The following TBXAS1 variants were observed in gnomAD, a reference collection of about 807,000 sequenced individuals.
The protein encoded by TBXAS1 is thromboxane A synthase 1.
TBXAS1 carries 48 observed loss-of-function variants against 60.7 expected under a neutral mutation model. The observed-to-expected ratio is 0.79, with a 90% CI of 0.63 to 1.01. The LOEUF (loss-of-function observed/expected upper bound fraction) is 1.01, where lower values mean the gene tolerates loss of function less well. Ranked by LOEUF, TBXAS1 falls within the 50% of genes least tolerant of loss-of-function variation. The pLI, the probability that TBXAS1 is intolerant of heterozygous loss-of-function variation, is 0.00. For missense variants in TBXAS1, 685 were observed against 686.3 expected, an observed-to-expected ratio of 1.00 and a Z score of 0.02; for synonymous variants, 287 against 269.7, an observed-to-expected ratio of 1.06 and a Z score of -0.63.
At chr7:139,800,493 G>A (rs1797691944) in intron 4 of TBXAS1, among the ~76,000 whole-genome samples, 1 of 151,960 alleles carries the variant, frequency 6.6e-6, no homozygotes, top group African/African-American at 2.4e-5. Flanking sequence ...CTTCAGTAGT[G>A]TCATTCCCAC....
chr7:139,863,440 A>T (rs542754007), intron 1 of TBXAS1, among the ~76,000 whole-genome samples: 26 of 152,284 alleles, frequency 1.7e-4, no homozygotes, highest in Admixed American at 9.2e-4. Flanking sequence ...CATTCACTAA[A>T]TCTTGTATAT....
chr7:139,870,559 A>G (rs1374925512), intron 1 of TBXAS1, among the ~76,000 whole-genome samples: 1 of 152,234 alleles, frequency 6.6e-6, no homozygotes, highest in South Asian at 2.1e-4. Flanking sequence ...TGTGCTGTCA[A>G]CCTTCGGTAC....
intron 3 of TBXAS1, among the ~76,000 whole-genome samples, chr7:139,904,864 T>G (rs975347836): frequency 2.0e-5 from 3 of 152,106 alleles, no homozygotes; most frequent in African/African-American, 7.2e-5. Flanking sequence ...CCTTAGGGTT[T>G]TCAAGGTAAA....
At position 139,862,606 on chromosome 7, in the gene TBXAS1, T is replaced by C. The variant is rs189738968; in HGVS notation, c.90-9629T>C. ...AGGCAATGGCCAAATCCAAGGAGTT[T>C]GCCTTTTTTCCTTTAAGATGGAAGA... is the stretch of plus-strand genomic sequence containing the variant. On this transcript the variant is annotated intron_variant, in intron 1 of 12. Coordinates refer to ENST00000448866, the MANE Select transcript of TBXAS1 (RefSeq NM_001061.7). 2.0e-5 allele frequency among the ~76,000 whole-genome samples: 3 copies of C among 152,294 alleles called. No homozygotes were observed. In the East Asian group the frequency reaches 5.8e-4, roughly 29 times the overall value.
intron 3 of TBXAS1, among the ~76,000 whole-genome samples, chr7:139,879,680 T>C (rs1364753268): frequency 3.3e-5 from 5 of 152,122 alleles, no homozygotes; most frequent in Non-Finnish European, 7.4e-5. Flanking sequence ...TCCCCTCCAA[T>C]TTGTAGCTGG....
intron 8 of TBXAS1, among the ~76,000 whole-genome samples, chr7:139,959,892 C>T (rs1277880553): frequency 3.9e-5 from 6 of 152,122 alleles, no homozygotes; most frequent in South Asian, 2.1e-4. Flanking sequence ...ACTTCCCCTG[C>T]GTGCCATCTT....
chr7:139,984,946 A>AAAGAAAGAAAGAAAG lies in TBXAS1; in HGVS notation c.1135-22143_1135-22142insGAAAGAAAGAAAGAA, dbSNP rs1554503473. Among the ~76,000 whole-genome samples, 116 of 141,898 alleles carry AAAGAAAGAAAGAAAG rather than the reference A, an allele frequency of 8.2e-4. 1 individual carries two copies. The highest frequency in any genetic ancestry group is 7.7e-3 in the Admixed American group (106 of 13,808). The allele number at this position is 141,898 out of a possible 152,430, so 93.1% of individuals were successfully genotyped here. A position where few individuals can be genotyped will look rare whatever the true frequency, so the allele number is the denominator to read the frequency against. On this transcript the variant is annotated intron_variant, in intron 9 of 12. Coordinates refer to ENST00000448866, the MANE Select transcript of TBXAS1 (RefSeq NM_001061.7). The stretch of plus-strand genomic sequence containing the variant: ...AAGGAAAGAAAGAAAGAAAGAAAAG[A>AAAGAAAGAAAGAAAG]AAAGAAAGAAAGAAAGAAAAGATCA...
rs1016100529 is a variant in TBXAS1, at chr7:139,861,414, T to G, written c.90-10821T>G. Reference sequence around the variant, plus strand: ...ACACCTGGCTAATTTTTTTTTCTTTTTAGAATTTTTTTTTTTTTTTTTTGG... The same window carrying G: ...ACACCTGGCTAATTTTTTTTTCTTTGTAGAATTTTTTTTTTTTTTTTTTGG... On this transcript the variant is annotated intron_variant, in intron 1 of 12. Coordinates refer to ENST00000448866, the MANE Select transcript of TBXAS1 (RefSeq NM_001061.7). 2.9e-5 allele frequency among the ~76,000 whole-genome samples: 4 copies of G among 139,134 alleles called. No individual in the cohort carries two copies. In the Admixed American group the frequency reaches 3.1e-4, roughly 11 times the overall value. The allele number at this position is 139,134 out of a possible 152,430, so 91.3% of individuals were successfully genotyped here. A position where few individuals can be genotyped will look rare whatever the true frequency, so the allele number is the denominator to read the frequency against.
rs901140677 is a variant in TBXAS1 at position 139,890,286 on chromosome 7, G to A, written c.236+14649G>A. Among the ~76,000 whole-genome samples the A allele has an allele frequency of 2.4e-5, 3 of 124,208 alleles. No homozygotes were observed. In the East Asian group the frequency reaches 8.0e-4, roughly 33 times the overall value. The allele number at this position is 124,208 out of a possible 152,430, so 81.5% of individuals were successfully genotyped here. ...GCTGGAGTGCTGTGGCGCGATCTCC[G>A]CTCACTGCAAGCTCCGCCTTCCGGG... On this transcript the variant is annotated intron_variant, in intron 3 of 12. Coordinates refer to ENST00000448866, the MANE Select transcript of TBXAS1 (RefSeq NM_001061.7).
chr7:139,786,426 A>C (rs1475502499), intron 3 of TBXAS1, among the ~76,000 whole-genome samples: 1 of 152,228 alleles, frequency 6.6e-6, no homozygotes, highest in African/African-American at 2.4e-5. Flanking sequence ...AATGCAAGGA[A>C]GAATTTAGTT....
At chr7:139,797,148 C>G (rs919498925) in intron 4 of TBXAS1, 4 of 152,194 alleles carry the variant, frequency 2.6e-5, no homozygotes, top group African/African-American at 9.7e-5. Context: ...GAAGGCCTAC[C>G]TAGACCTTGC....
chr7:139,838,618 T>C (rs962065599), intron 1 of TBXAS1, among the ~76,000 whole-genome samples: 3 of 152,208 alleles, frequency 2.0e-5, no homozygotes, highest in African/African-American at 7.2e-5. Context: ...TGCACACTTA[T>C]TAATTATTAG....
chr7:139,931,838 C>G (rs1056011646), intron 4 of TBXAS1, among the ~76,000 whole-genome samples: 1 of 152,094 alleles, frequency 6.6e-6, no homozygotes, highest in Non-Finnish European at 1.5e-5. Flanking sequence ...TTCAAGGCAT[C>G]TCTCAGTAAG....
intron 3 of TBXAS1, 70 bp from the exon 4 acceptor site, chr7:139,911,155 C>T (rs565542853): frequency 6.7e-6 from 9 of 1,338,646 alleles, no homozygotes; most frequent in Admixed American, 5.0e-5. Context: ...TCTAAGCTAC[C>T]GTGAACTCTT....
chr7:139,790,857 C>G (rs886745564), intron 4 of TBXAS1, among the ~76,000 whole-genome samples: 3 of 152,196 alleles, frequency 2.0e-5, no homozygotes, highest in African/African-American at 4.8e-5. Flanking sequence ...GGCTGGAGTG[C>G]AGTGGTGCAA....
intron 9 of TBXAS1, among the ~76,000 whole-genome samples, chr7:139,981,200 C>T (rs1378479755): frequency 1.3e-5 from 2 of 152,104 alleles, no homozygotes; most frequent in Admixed American, 6.5e-5. Flanking sequence ...CCCCACCTCC[C>T]GGGTTCAAGT....
At chr7:139,890,247 G>A (rs548977112) in intron 3 of TBXAS1, among the ~76,000 whole-genome samples, 7 of 106,874 alleles carry the variant, frequency 6.5e-5, no homozygotes, top group African/African-American at 2.6e-4. Flanking sequence ...ACAGAGTCTC[G>A]TTTTGTCGCC....
At position 139,870,672 on chromosome 7, in the gene TBXAS1, C is replaced by T. The variant is rs192822447; in HGVS notation, c.90-1563C>T. On this transcript the variant is annotated intron_variant, in intron 1 of 12. Transcript: ENST00000448866. ...CACTTGAACATGGACCTAAATGTGA[C>T]GTACTGGGAATTCATTCAAACCTAT... Among the ~76,000 whole-genome samples the T allele has an allele frequency of 4.5e-3, 678 of 152,266 alleles. 2 individuals are homozygous for T. Among genetic ancestry groups the T allele is most frequent in the Non-Finnish European group, 7.1e-3 (485 of 68,036 alleles).
intron 3 of TBXAS1, among the ~76,000 whole-genome samples, chr7:139,897,296 G>T (rs1444599793): frequency 8.3e-6 from 1 of 120,262 alleles, no homozygotes; most frequent in East Asian, 2.9e-4. Flanking sequence ...ATCATGGAGG[G>T]TTTCAGTCGG....
Sources: allele counts gnomAD v4.1 joint callset (sites outside exome capture counted in the v4.1 genomes callset), GRCh38; gene constraint gnomAD v4.1.1; transcripts MANE v1.5; gene names NCBI Gene and HGNC (gene_info 2026-07-23, HGNC 2026-07-21).